SCYL2: variants seen among roughly 807,000 people sequenced by gnomAD.
SCYL2 encodes SCY1 like pseudokinase 2.
A neutral mutation model predicts 100.4 loss-of-function variants in SCYL2; 36 were observed. The observed-to-expected ratio is 0.36, with a 90% confidence interval of 0.27 to 0.47. SCYL2 has a LOEUF of 0.47. SCYL2 is among the 20% of genes least tolerant of loss of function. The pLI, the probability that SCYL2 is intolerant of heterozygous loss-of-function variation, is 1.00. For synonymous variants in SCYL2, 330 were observed against 359.2 expected (o/e 0.92, Z 0.92); for missense variants, 902 against 1,083.9 (o/e 0.83, Z 2.36).
At chr12:100,309,383 A>G (rs574172256) in intron 4 of SCYL2, among the ~76,000 whole-genome samples, 13 of 152,076 alleles carry the variant, frequency 8.5e-5, no homozygotes, top group Non-Finnish European at 1.9e-4. Context: ...TTATTCCTCC[A>G]ACTCCTCCTC....
chr12:100,299,914 A>G (rs1327455495), intron 4 of SCYL2, among the ~76,000 whole-genome samples: 1 of 152,146 alleles, frequency 6.6e-6, no homozygotes, highest in Non-Finnish European at 1.5e-5. Context: ...TATGTGTATG[A>G]TTCACTTTTT....
intron 9 of SCYL2, among the ~76,000 whole-genome samples, chr12:100,317,028 C>T (rs1415358142): frequency 1.3e-5 from 2 of 150,966 alleles, no homozygotes; most frequent in Non-Finnish European, 1.5e-5. Flanking sequence ...CCTGGGAGGT[C>T]GAGGCTGCGG....
intron 2 of SCYL2, among the ~76,000 whole-genome samples, chr12:100,284,126 TAAC>T (rs2096301908): frequency 6.6e-6 from 1 of 152,156 alleles, no homozygotes; most frequent in African/African-American, 2.4e-5. Context: ...GAAAACAAAA[TAAC>T]AAATTTATAA....
intron 3 of SCYL2, among the ~76,000 whole-genome samples, chr12:100,294,120 C>CCTCACCTCCCGGA (rs529973109): frequency 0.097 from 13,703 of 140,574 alleles, 1,027 homozygotes; most frequent in Non-Finnish European, 0.15. Context: ...CAGAGGCGCC[C>CCTCACCTCCCGGA]CTCACCTCCC....
chr12:100,317,862 G>C lies in SCYL2; in HGVS notation c.1332G>C (p.Glu444Asp). ...DLLLTKTPPDEIKNSVLPMVY... is the reference protein window; with the variant it reads ...DLLLTKTPPDDIKNSVLPMVY... ...TACTAACCAAAACCCCTCCTGATGA[G>C]ATAAAGAACAGTGTTCTACCCATGG... Residue 444 changes from glutamate (E) to aspartate (D), a missense_variant, in exon 10 of 18, where the codon GAG (glutamate) becomes GAC (aspartate). Physicochemically the swap from Glu to Asp is conservative, Grantham distance 45. Transcript: ENST00000360820. 2.5e-6 allele frequency: 4 copies of C among 1,609,170 alleles called. No individual in the cohort carries two copies. The highest frequency in any genetic ancestry group is 2.5e-6 in the Non-Finnish European group (3 of 1,178,976).
intron 1 of SCYL2, among the ~76,000 whole-genome samples, chr12:100,277,694 C>T (rs1476928971): frequency 1.3e-5 from 2 of 152,136 alleles, no homozygotes; most frequent in Non-Finnish European, 2.9e-5. Context: ...AAATTATTTA[C>T]ACTTAATGTA....
At position 100,305,565 on chromosome 12, in the gene SCYL2, A is replaced by G. The variant is rs576923465; in HGVS notation, c.481-5479A>G. 7.7e-4 allele frequency among the ~76,000 whole-genome samples: 118 copies of G among 152,324 alleles called. 1 individual carries two copies. The highest frequency in any genetic ancestry group is 2.7e-3 in the African/African-American group (111 of 41,582). ...CAGGAGAAAGCAGAAAAGATCTAAA[A>G]TCAACATCCTAACGTCACAATTAAA... On this transcript the variant is annotated intron_variant, in intron 4 of 17. Transcript: ENST00000360820.
chr12:100,339,434 A>G lies in SCYL2; in HGVS notation c.*262A>G. On this transcript the variant is annotated 3_prime_UTR_variant, in exon 18 of 18. Coordinates refer to ENST00000360820, the MANE Select transcript of SCYL2 (RefSeq NM_017988.6). ...CAGCCCTTCCCAATCTCAAAGAGAAAAAGGAAACTGAGTTATCTTGAATAA... is the reference window on the plus strand; with the variant it reads ...CAGCCCTTCCCAATCTCAAAGAGAAGAAGGAAACTGAGTTATCTTGAATAA... 4.7e-6 allele frequency: 2 copies of G among 421,626 alleles called. No homozygotes were observed. Among genetic ancestry groups the G allele is most frequent in the East Asian group, 8.2e-5 (2 of 24,280 alleles). 26.1% of individuals were successfully genotyped at this position (421,626 alleles called of 1,614,324 possible). A position where few individuals can be genotyped will look rare whatever the true frequency, so the allele number is the denominator to read the frequency against.
intron 6 of SCYL2, 72 bp from the exon 7 acceptor site, chr12:100,313,349 TA>T (rs912597624): frequency 2.3e-5 from 15 of 639,356 alleles, no homozygotes; most frequent in Non-Finnish European, 3.7e-5. Context: ...AGTAAATTTT[TA>T]AATGTTTTCT....
At position 100,329,338 on chromosome 12, in the gene SCYL2, T is replaced by A. The variant is rs774632322; in HGVS notation, c.1761+19T>A. The A allele has an allele frequency of 5.5e-6, 6 of 1,090,012 alleles. No individual in the cohort carries two copies. Among genetic ancestry groups the A allele is most frequent in the Non-Finnish European group, 8.5e-6 (6 of 708,902 alleles). 67.5% of individuals were successfully genotyped at this position (1,090,012 alleles called of 1,614,324 possible). ...TAATCAGGTAGGAGTATTTTTGTGC[T>A]TTATTCATTTTATTCAGCTTACTTT... On this transcript the variant is annotated intron_variant, in intron 13 of 17. Coordinates refer to ENST00000360820, the MANE Select transcript of SCYL2 (RefSeq NM_017988.6).
intron 13 of SCYL2, chr12:100,333,730 A>AT (rs1435726524): frequency 6.5e-6 from 1 of 153,032 alleles, no homozygotes; most frequent in African/African-American, 2.4e-5. Context: ...TTTTAGCCAG[A>AT]TATGTCATTG....
At chr12:100,336,042 A>T (rs1952272907) in intron 16 of SCYL2, 136 bp downstream of exon 16, 3 of 680,568 alleles carry the variant, frequency 4.4e-6, no homozygotes, top group Non-Finnish European at 7.6e-6. Context: ...AAATTCCTTT[A>T]TCAGTTAAAC....
At chr12:100,303,388 T>G (rs916645355) in intron 4 of SCYL2, among the ~76,000 whole-genome samples, 1 of 152,240 alleles carries the variant, frequency 6.6e-6, no homozygotes, top group Non-Finnish European at 1.5e-5. Context: ...CATGGATTTA[T>G]CTACCTTTGG....
chr12:100,296,869 A>G (rs1158697277), intron 3 of SCYL2: 2 of 152,226 alleles, frequency 1.3e-5, no homozygotes, highest in Non-Finnish European at 2.9e-5. Flanking sequence ...GCAGCAGGAC[A>G]ATGTGACCAT....
At chr12:100,312,855 C>T (rs542732620) in intron 6 of SCYL2, among the ~76,000 whole-genome samples, 2 of 152,098 alleles carry the variant, frequency 1.3e-5, no homozygotes, top group Middle Eastern at 3.2e-3. Context: ...CTCTGGCTCA[C>T]GCCTGTAATC....
rs764359061 is a variant in SCYL2, at chr12:100,334,225, G to C, written c.1821G>C (p.Lys607Asn). The change falls in exon 14 of 18, where the codon AAG (lysine) becomes AAC (asparagine). Residue 607 changes from lysine (K) to asparagine (N), a missense_variant. Coordinates refer to ENST00000360820, the MANE Select transcript of SCYL2 (RefSeq NM_017988.6). ...EMLNRLESEH[K>N]TKLEQLHIMQ... The stretch of plus-strand genomic sequence containing the variant: ...TTAATAGATTGGAGTCTGAACATAA[G>C]ACTAAACTGGAGCAACTTCATATAA... 1.2e-6 allele frequency: 2 copies of C among 1,605,238 alleles called. No individual in the cohort carries two copies. Among genetic ancestry groups the C allele is most frequent in the South Asian group, 1.1e-5 (1 of 90,922 alleles).
intron 4 of SCYL2, among the ~76,000 whole-genome samples, chr12:100,303,726 G>A (rs59693681): frequency 0.032 from 4,878 of 152,300 alleles, 96 homozygotes; most frequent in African/African-American, 0.057. Context: ...CCAGTCAGGA[G>A]GCACTGGGGT....
At chr12:100,294,420 C>T (rs1165494878) in intron 3 of SCYL2, among the ~76,000 whole-genome samples, 11 of 115,598 alleles carry the variant, frequency 9.5e-5, no homozygotes, top group African/African-American at 1.7e-4. Flanking sequence ...GGGCGGCTGG[C>T]CGGGCGGGGG....
At chr12:100,284,004 G>C (rs772714147) in intron 2 of SCYL2, among the ~76,000 whole-genome samples, 3 of 152,106 alleles carry the variant, frequency 2.0e-5, no homozygotes, top group Non-Finnish European at 2.9e-5. Context: ...AAAAGTAAAT[G>C]GTTTCTTGAG....
Sources: gnomAD v4.1 joint callset for allele counts (sites outside exome capture counted in the v4.1 genomes callset) on GRCh38, gnomAD v4.1.1 for gene constraint, MANE v1.5 for transcripts, NCBI Gene and HGNC (gene_info 2026-07-23, HGNC 2026-07-21) for gene names.